The following DIDO1 variants were observed in gnomAD, a reference collection of about 807,000 sequenced individuals.
DIDO1 encodes death-inducer obliterator 1.
DIDO1 carries 16 observed loss-of-function variants against 99.4 expected under a neutral mutation model. The observed-to-expected ratio is 0.16, with a 90% confidence interval of 0.11 to 0.24. DIDO1 has a LOEUF of 0.24. Among genes scored for constraint, DIDO1 ranks in the 10% least tolerant of loss-of-function variants. DIDO1 has a pLI of 1.00. For missense variants in DIDO1, 2,996 were observed against 3,014.0 expected, an observed-to-expected ratio of 0.99 and a Z score of 0.14; for synonymous variants, 1,366 against 1,239.1, an observed-to-expected ratio of 1.10 and a Z score of -2.15.
At position 62,881,467 on chromosome 20, in the gene DIDO1, C is replaced by T; in HGVS notation, c.4489G>A (p.Glu1497Lys). Residue 1497 changes from glutamate to lysine, a missense_variant, in exon 16 of 16, where the codon GAA becomes AAA. Coordinates refer to ENST00000395343, the MANE Select transcript of DIDO1 (RefSeq NM_001193369.2). This position sits in a 1 kb window ranked among gnomAD's most constrained non-coding sequence, Gnocchi z 8.3. The part of the protein sequence containing the change: ...EEQKRQLEEQ[E>K]EALRQQRAAV... ...GCCCTCTGCTGCCTGAGAGCTTCTT[C>T]TTGCTCCTCCAGCTGTCTCTTCTGC... The T allele has an allele frequency of 1.2e-6, 2 of 1,610,236 alleles. No homozygotes were observed. The highest frequency in any genetic ancestry group is 1.7e-6 in the Non-Finnish European group (2 of 1,179,986).
At chr20:62,926,628 C>G (rs530628997), upstream of DIDO1, 1 of 152,256 alleles carries the variant, frequency 6.6e-6, no homozygotes, top group Non-Finnish European at 1.5e-5. Flanking sequence ...CGCATGCGCC[C>G]GTCTTTCATA....
intron 15 of DIDO1, among the ~76,000 whole-genome samples, chr20:62,884,249 G>T (rs902185722): frequency 1.3e-5 from 2 of 152,078 alleles, no homozygotes; most frequent in African/African-American, 4.8e-5. Context: ...GTAAGTTGTG[G>T]TAACTTCAAT....
In DIDO1 at chr20:62,883,775, G is replaced by A. The variant is rs553248501; in HGVS notation, c.3542-1361C>T. Among the ~76,000 whole-genome samples the A allele has an allele frequency of 2.0e-5, 3 of 152,154 alleles. 1 individual carries two copies. Among genetic ancestry groups the A allele is most frequent in the South Asian group, 4.2e-4 (2 of 4,816 alleles). ...CAGGAGGTGGAGGTTGCAGTGAGCCGAGATCACACCACTGCACTCCAGCCT... is the reference window on the plus strand; with the variant it reads ...CAGGAGGTGGAGGTTGCAGTGAGCCAAGATCACACCACTGCACTCCAGCCT... On this transcript the variant is annotated intron_variant, in intron 15 of 15. Coordinates refer to ENST00000395343, the MANE Select transcript of DIDO1 (RefSeq NM_001193369.2).
At chr20:62,903,702 CA>C (rs1286964329) in intron 6 of DIDO1, among the ~76,000 whole-genome samples, 3 of 152,220 alleles carry the variant, frequency 2.0e-5, no homozygotes, top group Non-Finnish European at 2.9e-5. Context: ...GCTACTAGCT[CA>C]AAAGTGTGTC....
upstream of DIDO1, among the ~76,000 whole-genome samples, chr20:62,929,692 A>AAAAAAAAAAAATATATAT: frequency 9.4e-5 from 6 of 63,710 alleles, no homozygotes; most frequent in African/African-American, 4.6e-4. Flanking sequence ...AAAAAGAAAA[A>AAAAAAAAAAAATATATAT]GTGTATATAT....
rs568694956 is a variant in DIDO1 at position 62,889,598 on chromosome 20, C to G, written c.3541+1362G>C. On this transcript the variant is annotated intron_variant, in intron 15 of 15. Coordinates refer to ENST00000395343, the MANE Select transcript of DIDO1 (RefSeq NM_001193369.2). ...CTTGCAACTGACCAGTGGGTCTTCA[C>G]AGGTGCGGAGAGGCCAGCTTCTCGG... The G allele has an allele frequency of 5.1e-6, 5 of 985,324 alleles. No individual in the cohort carries two copies. In the Admixed American group the frequency reaches 1.8e-4, roughly 36 times the overall value. 61.0% of individuals were successfully genotyped at this position (985,324 alleles called of 1,614,324 possible). A position where few individuals can be genotyped will look rare whatever the true frequency, so the allele number is the denominator to read the frequency against.
rs2065374610 is a variant in DIDO1, at chr20:62,935,616, A to G, written c.-200+2180T>C. Reference sequence around the variant, plus strand: ...TAGGGCCCAGACTGAGAGCACAGCGATAACAAAGCTTGTTGACATGAGAAA... The same window carrying G: ...TAGGGCCCAGACTGAGAGCACAGCGGTAACAAAGCTTGTTGACATGAGAAA... On this transcript the variant is annotated intron_variant, in intron 1 of 15. Coordinates refer to the DIDO1 transcript ENST00000266070. 2.0e-5 allele frequency among the ~76,000 whole-genome samples: 3 copies of G among 152,216 alleles called. No individual in the cohort carries two copies. The South Asian group carries it at 6.2e-4, about 32-fold the overall frequency.
chr20:62,896,200 G>A lies in DIDO1; in HGVS notation c.2214+33C>T. ...CTTTAGCACCCAGCGAACAGAACAG[G>A]AATACTCCAATGCACCGACACCAGG... On this transcript the variant is annotated intron_variant, in intron 8 of 15. Transcript: ENST00000395343. This position sits in a 1 kb window ranked among gnomAD's most constrained non-coding sequence, Gnocchi z 4.4. 2 of 1,603,406 alleles carry A rather than the reference G, an allele frequency of 1.2e-6. No individual in the cohort carries two copies. Among genetic ancestry groups the A allele is most frequent in the Non-Finnish European group, 1.7e-6 (2 of 1,174,940 alleles).
chr20:62,881,492 C>T lies in DIDO1; in HGVS notation c.4464G>A (p.Glu1488=), dbSNP rs1271866657. The T allele has an allele frequency of 1.9e-6, 3 of 1,610,592 alleles. No individual in the cohort carries two copies. The stretch of plus-strand genomic sequence containing the variant: ...CTTGCTCCTCCAGCTGTCTCTTCTG[C>T]TCCTCGATCTGTTTGTTCAGCTCTT... ...MLEELNKQIE[E]QKRQLEEQEE... Residue 1488 remains glutamate (E), a synonymous_variant, in exon 16 of 16, where the codon GAG becomes GAA. Coordinates refer to ENST00000395343, the MANE Select transcript of DIDO1 (RefSeq NM_001193369.2). This position sits in a 1 kb window ranked among gnomAD's most constrained non-coding sequence, Gnocchi z 8.3.
chr20:62,889,056 TC>T (rs1464642014), intron 15 of DIDO1: 1 of 985,416 alleles, frequency 1.0e-6, no homozygotes, highest in African/African-American at 1.7e-5. Context: ...CGTCGTGGCC[TC>T]AGCAAGTGCC....
intron 5 of DIDO1, 144 bp downstream of exon 5, chr20:62,907,003 G>C: frequency 1.3e-6 from 1 of 788,738 alleles, no homozygotes; most frequent in Non-Finnish European, 2.1e-6. Flanking sequence ...TGGTGGGAAG[G>C]TGGAAGACAA....
rs775532144 is a variant in DIDO1, at chr20:62,880,599, ATAT to A, written c.5354_5356del (p.Asn1785del). The A allele has an allele frequency of 6.2e-7, 1 of 1,612,784 alleles. No individual in the cohort carries two copies. The highest frequency in any genetic ancestry group is 8.5e-7 in the Non-Finnish European group (1 of 1,179,964). On this transcript the variant is annotated inframe_deletion, in exon 16 of 16. Transcript: ENST00000395343. ...CCCTCGTGGCCCATCGTTAGAAGCG[ATAT>A]TCTCTTCTGGAAACGGAGGGGCTGG...
At chr20:62,895,276 C>T (rs759083641) in intron 8 of DIDO1, 111 bp from the exon 9 acceptor site, 2 of 951,520 alleles carry the variant, frequency 2.1e-6, no homozygotes, top group Non-Finnish European at 3.2e-6. Context: ...GGACAAAGGC[C>T]CTCAGGGCCC....
At chr20:62,915,615 A>T (rs2065024051) in intron 1 of DIDO1, among the ~76,000 whole-genome samples, 1 of 152,150 alleles carries the variant, frequency 6.6e-6, no homozygotes, top group African/African-American at 2.4e-5. Flanking sequence ...TAGCCTCATG[A>T]GCAACTGGGA....
chr20:62,925,810 CG>C (rs2065240780), intron 1 of DIDO1, among the ~76,000 whole-genome samples: 1 of 152,178 alleles, frequency 6.6e-6, no homozygotes, highest in African/African-American at 2.4e-5. Flanking sequence ...TACAAACCAA[CG>C]CAACAAACTA....
intron 6 of DIDO1, among the ~76,000 whole-genome samples, chr20:62,899,550 C>T (rs890480153): frequency 2.0e-5 from 3 of 152,224 alleles, no homozygotes; most frequent in Non-Finnish European, 2.9e-5. Flanking sequence ...TTAGGGCACT[C>T]CCAGTACATG....
Position 62,894,950 on chromosome 20 carries a change from G to C in DIDO1, c.2332-36C>G, listed in dbSNP as rs748349954. On this transcript the variant is annotated intron_variant, in intron 9 of 15. Coordinates refer to ENST00000395343, the MANE Select transcript of DIDO1 (RefSeq NM_001193369.2). This position sits in a 1 kb window ranked among gnomAD's most constrained non-coding sequence, Gnocchi z 4.4. ...AAAGACGAAACAGAGCTTAGGCCTT[G>C]TTTTCTAGGAGGAAAGCATCGCTTA... 26 of 1,604,698 alleles carry C rather than the reference G, an allele frequency of 1.6e-5. No homozygotes were observed. Among genetic ancestry groups the C allele is most frequent in the Admixed American group, 8.5e-5 (5 of 59,138 alleles).
rs766692767 is a variant in DIDO1, at chr20:62,881,777, C to A, written c.4179G>T (p.Pro1393=). 1.2e-6 allele frequency: 2 copies of A among 1,613,238 alleles called. No individual in the cohort carries two copies. The highest frequency in any genetic ancestry group is 1.3e-5 in the African/African-American group (1 of 74,926). Residue 1393 remains proline, a synonymous_variant, in exon 16 of 16, where the codon CCG becomes CCT. Coordinates refer to ENST00000395343, the MANE Select transcript of DIDO1 (RefSeq NM_001193369.2). This position sits in a 1 kb window ranked among gnomAD's most constrained non-coding sequence, Gnocchi z 8.3. The part of the protein sequence containing the change: ...RPYDPEEEYD[P]ERAFDTQLVE... ...CAAGCTGAGTGTCGAAGGCCCTCTC[C>A]GGGTCGTACTCCTCCTCAGGGTCGT...
chr20:62,934,278 A>C (rs2065360609), intron 1 of DIDO1, among the ~76,000 whole-genome samples: 1 of 151,940 alleles, frequency 6.6e-6, no homozygotes, highest in African/African-American at 2.4e-5. Flanking sequence ...CTCCACAGAG[A>C]CTTCATGCAC....
Sources: gnomAD v4.1 joint callset for allele counts (sites outside exome capture counted in the v4.1 genomes callset) on GRCh38, gnomAD v4.1.1 for gene constraint, Gnocchi (gnomAD v3.1) non-coding constraint, MANE v1.5 for transcripts, NCBI Gene and HGNC (gene_info 2026-07-23, HGNC 2026-07-21) for gene names.